GRIK2: variants seen among roughly 807,000 people sequenced by gnomAD.
GRIK2 encodes the protein glutamate receptor ionotropic, kainate 2.
Under a neutral mutation model 100.3 loss-of-function variants are expected in GRIK2, and 32 were observed. That is an observed-to-expected ratio of 0.32 (90% CI 0.24 to 0.43). The LOEUF is 0.43. Among genes scored for constraint, GRIK2 ranks in the 20% least tolerant of loss-of-function variants. GRIK2 has a pLI of 1.00. For missense variants in GRIK2, 843 were observed against 1,114.9 expected (o/e 0.76, Z 3.47); for synonymous variants, 417 against 389.4 (o/e 1.07, Z -0.83).
At chr6:101,516,179 T>C (rs367745004) in intron 2 of GRIK2, among the ~76,000 whole-genome samples, 35 of 152,192 alleles carry the variant, frequency 2.3e-4, no homozygotes, top group African/African-American at 7.9e-4. Flanking sequence ...AATCTACACA[T>C]TCAATGCAAT....
At chr6:101,453,824 G>T (rs1247504374) in intron 2 of GRIK2, among the ~76,000 whole-genome samples, 2 of 151,890 alleles carry the variant, frequency 1.3e-5, no homozygotes, top group Admixed American at 1.3e-4. Context: ...AATATATTTT[G>T]TTATATTATT....
rs539777319 is a variant in GRIK2, at chr6:101,796,678, G to A, written c.952-2970G>A. ...GAAATCCAGAAGTAGTTTGATCAGCGACTTTTAGATTACTTGTACCTTTTT... is the reference window on the plus strand; with the variant it reads ...GAAATCCAGAAGTAGTTTGATCAGCAACTTTTAGATTACTTGTACCTTTTT... On this transcript the variant is annotated intron_variant, in intron 7 of 16. Transcript: ENST00000369134. Among the ~76,000 whole-genome samples the A allele has an allele frequency of 2.1e-3, 317 of 152,126 alleles. 1 individual carries two copies. Among genetic ancestry groups the A allele is most frequent in the Non-Finnish European group, 3.5e-3 (235 of 67,976 alleles).
rs189220654 is a variant in GRIK2, at chr6:101,796,286, C to A, written c.952-3362C>A. On this transcript the variant is annotated intron_variant, in intron 7 of 16. Coordinates refer to ENST00000369134, the MANE Select transcript of GRIK2 (RefSeq NM_021956.5). ...TAATTTAAGGAGAGTGCCTCACACA[C>A]AGATATTGAATGAATGTTGGCTATT... Among the ~76,000 whole-genome samples, 4 of 152,244 alleles carry A rather than the reference C, an allele frequency of 2.6e-5. No homozygotes were observed. In the East Asian group the frequency reaches 5.8e-4, roughly 22 times the overall value.
At chr6:101,983,284 A>AAGTT (rs1233859209) in intron 14 of GRIK2, among the ~76,000 whole-genome samples, 1 of 151,848 alleles carries the variant, frequency 6.6e-6, no homozygotes, top group African/African-American at 2.4e-5. Flanking sequence ...GAGCAAAATG[A>AAGTT]AGTTAGTTAG....
At chr6:101,694,891 T>C (rs1011734605) in intron 7 of GRIK2, among the ~76,000 whole-genome samples, 1 of 151,264 alleles carries the variant, frequency 6.6e-6, no homozygotes, top group Non-Finnish European at 1.5e-5. Context: ...CAATGCCATA[T>C]AAAAAAATAC....
At chr6:101,755,484 A>G (rs1777081802) in intron 7 of GRIK2, among the ~76,000 whole-genome samples, 1 of 151,974 alleles carries the variant, frequency 6.6e-6, no homozygotes, top group Admixed American at 6.6e-5. Context: ...TCATTTCTAA[A>G]TTCACTCCTA....
In GRIK2 at chr6:102,018,992, T is replaced by C. The variant is rs145959777; in HGVS notation, c.2086-16349T>C. Among the ~76,000 whole-genome samples the C allele has an allele frequency of 2.0e-5, 3 of 152,256 alleles. No homozygotes were observed. The East Asian group carries it at 5.8e-4, about 29-fold the overall frequency. ...TTTTTTTCTGCGAAGGGGTTTGAAA[T>C]AATAGTTTTGTATTGTGTTTTCAGT... On this transcript the variant is annotated intron_variant, in intron 14 of 16. Coordinates refer to ENST00000369134, the MANE Select transcript of GRIK2 (RefSeq NM_021956.5).
intron 14 of GRIK2, among the ~76,000 whole-genome samples, chr6:101,979,069 T>C (rs1462286681): frequency 1.3e-5 from 2 of 151,944 alleles, no homozygotes; most frequent in Non-Finnish European, 1.5e-5. Context: ...GTTTTTTGCA[T>C]AGTAAAAAAC....
chr6:101,988,132 T>TGTGTGTGTGTGTGTGTGTGC (rs1231517176), intron 14 of GRIK2, among the ~76,000 whole-genome samples: 1 of 29,552 alleles, frequency 3.4e-5, no homozygotes, highest in African/African-American at 1.0e-4. Context: ...TGTGTGTGTG[T>TGTGTGTGTGTGTGTGTGTGC]GCGCGCGCGC....
At chr6:101,570,059 T>C (rs533718333) in intron 2 of GRIK2, among the ~76,000 whole-genome samples, 1 of 152,094 alleles carries the variant, frequency 6.6e-6, no homozygotes, top group Non-Finnish European at 1.5e-5. Flanking sequence ...GCTTGAAACA[T>C]GCAAAAACTG....
intron 3 of GRIK2, among the ~76,000 whole-genome samples, chr6:101,624,657 CCTT>C (rs1315211771): frequency 3.9e-5 from 6 of 152,144 alleles, no homozygotes; most frequent in African/African-American, 1.4e-4. Context: ...CAGTAACAAT[CCTT>C]CTCTGTCCTT....
intron 2 of GRIK2, among the ~76,000 whole-genome samples, chr6:101,524,572 A>G (rs1037786860): frequency 3.9e-5 from 6 of 152,120 alleles, no homozygotes; most frequent in African/African-American, 1.4e-4. Context: ...GAAGAAACCC[A>G]AGGCCCACAT....
At chr6:101,631,615 G>T (rs536912039) in intron 4 of GRIK2, among the ~76,000 whole-genome samples, 1 of 152,208 alleles carries the variant, frequency 6.6e-6, no homozygotes, top group East Asian at 1.9e-4. Flanking sequence ...TGGCTCTCCT[G>T]CTCACCAGAG....
chr6:101,835,707 C>T (rs1783036181), intron 10 of GRIK2, among the ~76,000 whole-genome samples: 1 of 147,604 alleles, frequency 6.8e-6, no homozygotes, highest in Non-Finnish European at 1.5e-5. Context: ...TCAGGTGATC[C>T]ACCCGCCTCG....
intron 15 of GRIK2, 75 bp from the exon 16 acceptor site, chr6:102,055,255 C>T (rs967879431): frequency 7.0e-6 from 8 of 1,140,136 alleles, no homozygotes; most frequent in Admixed American, 2.2e-5. Context: ...TCTCTGCCCT[C>T]CTCTCATCTT....
chr6:101,774,855 G>GAT (rs10686607), intron 7 of GRIK2, among the ~76,000 whole-genome samples: 31,344 of 151,718 alleles, frequency 0.21, 5,049 homozygotes, highest in East Asian at 0.65. Context: ...ACATTTAAAA[G>GAT]ATATATATAT....
At chr6:101,971,331 A>T (rs535693993) in intron 14 of GRIK2, among the ~76,000 whole-genome samples, 1 of 152,164 alleles carries the variant, frequency 6.6e-6, no homozygotes, top group African/African-American at 2.4e-5. Flanking sequence ...AAATAAATGT[A>T]ATCTTCTTGT....
intron 14 of GRIK2, among the ~76,000 whole-genome samples, chr6:102,019,504 C>T (rs1769312047): frequency 1.3e-5 from 2 of 152,032 alleles, no homozygotes; most frequent in Admixed American, 6.6e-5. Flanking sequence ...TGTTCAAACA[C>T]CTCTCTGCCT....
At chr6:101,539,390 A>G (rs1034804638) in intron 2 of GRIK2, among the ~76,000 whole-genome samples, 13 of 151,790 alleles carry the variant, frequency 8.6e-5, no homozygotes, top group African/African-American at 2.9e-4. Flanking sequence ...CATCATGGAA[A>G]TGGAAGAAAG....
Sources: allele counts gnomAD v4.1 joint callset (sites outside exome capture counted in the v4.1 genomes callset), GRCh38; gene constraint gnomAD v4.1.1; transcripts MANE v1.5; gene names NCBI Gene and HGNC (gene_info 2026-07-23, HGNC 2026-07-21).